APLF: variants seen among roughly 807,000 people sequenced by gnomAD.
APLF encodes the protein aprataxin and PNK-like factor.
In APLF, 61 loss-of-function variants were observed where a neutral mutation model predicts 55.6. That is an observed-to-expected ratio of 1.10 (90% CI 0.89 to 1.36). APLF has a LOEUF of 1.36. Ranked by LOEUF, APLF falls within the 40% of genes most tolerant of loss-of-function variation. The pLI, the probability that APLF is intolerant of heterozygous loss-of-function variation, is 0.00. For missense variants in APLF, 611 were observed against 602.5 expected (o/e 1.01, Z -0.15); for synonymous variants, 207 against 214.8 (o/e 0.96, Z 0.32).
intron 6 of APLF, among the ~76,000 whole-genome samples, chr2:68,532,927 A>G (rs905066210): frequency 1.3e-5 from 2 of 152,190 alleles, no homozygotes; most frequent in African/African-American, 2.4e-5. Context: ...TAATGCTGCT[A>G]TAAAAAGGGA....
intron 1 of APLF, among the ~76,000 whole-genome samples, chr2:68,471,102 G>C (rs1390944211): frequency 6.6e-6 from 1 of 152,136 alleles, no homozygotes; most frequent in African/African-American, 2.4e-5. Flanking sequence ...CCAGTGCCTA[G>C]CACACAGTAG....
rs2103987315 is a variant in APLF, at chr2:68,528,195, G to A, written c.804+1953G>A. On this transcript the variant is annotated intron_variant, in intron 6 of 9. Transcript: ENST00000303795. ...CTTGACCTCCTGATCCGCCCACCTG[G>A]GCCTCCCAAAGTGCTGGATTACAGG... The A allele has an allele frequency of 4.8e-6, 4 of 835,558 alleles. No homozygotes were observed. In the South Asian group the frequency reaches 6.2e-5, roughly 13 times the overall value. The allele number at this position is 835,558 out of a possible 1,614,324, so 51.8% of individuals were successfully genotyped here. A position where few individuals can be genotyped will look rare whatever the true frequency, so the allele number is the denominator to read the frequency against.
At chr2:68,528,095 C>T (rs571699468) in intron 6 of APLF, 121 of 541,370 alleles carry the variant, frequency 2.2e-4, no homozygotes, top group African/African-American at 2.0e-3. Context: ...ACTTCCCAGA[C>T]GGTGGAGCAG....
At chr2:68,468,228 A>G (rs1408898628) in intron 1 of APLF, among the ~76,000 whole-genome samples, 18 of 152,234 alleles carry the variant, frequency 1.2e-4, no homozygotes, top group Non-Finnish European at 1.6e-4. Flanking sequence ...TGTAAAGCCT[A>G]AAATATTTAC....
intron 1 of APLF, among the ~76,000 whole-genome samples, chr2:68,485,395 G>A (rs566136005): frequency 6.6e-6 from 1 of 152,178 alleles, no homozygotes; most frequent in South Asian, 2.1e-4. Flanking sequence ...ATATTAAGTA[G>A]GTGATGTTTA....
At chr2:68,533,899 T>C (rs2103997747) in intron 6 of APLF, among the ~76,000 whole-genome samples, 1 of 152,276 alleles carries the variant, frequency 6.6e-6, no homozygotes, top group East Asian at 1.9e-4. Flanking sequence ...AGAAGGGCCC[T>C]TGAAATGTTT....
rs1349347792 is a variant in APLF at position 68,526,216 on chromosome 2, C to T, written c.778C>T (p.Gln260Ter). 6.2e-7 allele frequency: 1 copy of T among 1,606,524 alleles called. No homozygotes were observed. Among genetic ancestry groups the T allele is most frequent in the Admixed American group, 1.7e-5 (1 of 58,062 alleles). Residue 260 changes from glutamine (Q) to a stop codon, truncating the protein, a stop_gained, in exon 6 of 10, where the codon CAG becomes TAG. Coordinates refer to ENST00000303795, the MANE Select transcript of APLF (RefSeq NM_173545.3). LOFTEE classifies it high-confidence loss of function. Reference protein sequence around the residue: ...DTGEECKNTDQEESTISSKEM... With the variant: ...DTGEECKNTD Reference sequence around the variant, plus strand: ...AGGAGAAGAGTGCAAAAATACTGATCAGGAAGAGTCTACCATTTCATCCAA... The same window carrying T: ...AGGAGAAGAGTGCAAAAATACTGATTAGGAAGAGTCTACCATTTCATCCAA...
intron 5 of APLF, chr2:68,515,768 A>G: frequency 1.0e-6 from 1 of 973,080 alleles, no homozygotes. Context: ...ACCGTGGGAG[A>G]AGTACTTTAT....
chr2:68,517,783 AAT>A (rs1395072125), intron 5 of APLF, among the ~76,000 whole-genome samples: 1 of 145,160 alleles, frequency 6.9e-6, no homozygotes. Context: ...ATATATCACT[AAT>A]ATAATGTTAA....
intron 4 of APLF, 125 bp from the exon 5 acceptor site, chr2:68,513,423 A>C: frequency 7.8e-7 from 1 of 1,289,244 alleles, no homozygotes; most frequent in Non-Finnish European, 1.1e-6. Context: ...TTGTTCAAGA[A>C]ATTTTATGAA....
In APLF at chr2:68,580,106, A is replaced by T. The variant is rs1193537639; in HGVS notation, c.*2084A>T. On this transcript the variant is annotated 3_prime_UTR_variant, in exon 10 of 10. Coordinates refer to ENST00000303795, the MANE Select transcript of APLF (RefSeq NM_173545.3). ...CAGTTTTAATGCAACTTTCATAATC[A>T]TCCTGAAGACACTTTTGAGTATAAC... 11 of 942,448 alleles carry T rather than the reference A, an allele frequency of 1.2e-5. No individual in the cohort carries two copies. Among genetic ancestry groups the T allele is most frequent in the Non-Finnish European group, 1.3e-5 (10 of 790,764 alleles). The allele number at this position is 942,448 out of a possible 1,614,324, so 58.4% of individuals were successfully genotyped here.
chr2:68,475,836 T>C (rs898606384), intron 1 of APLF, among the ~76,000 whole-genome samples: 6 of 152,100 alleles, frequency 3.9e-5, no homozygotes, highest in African/African-American at 1.4e-4. Flanking sequence ...TTTTATGATT[T>C]GTAGATTTCT....
Position 68,578,167 on chromosome 2 carries a change from A to T in APLF, c.*145A>T. 7.1e-7 allele frequency: 1 copy of T among 1,416,238 alleles called. No homozygotes were observed. Among genetic ancestry groups the T allele is most frequent in the Non-Finnish European group, 9.2e-7 (1 of 1,088,066 alleles). The allele number at this position is 1,416,238 out of a possible 1,614,324, so 87.7% of individuals were successfully genotyped here. ...TTACTACTGACTCTTTACAAATGAG[A>T]CATTGAAACGTCAGCCTTCAGTATA... On this transcript the variant is annotated 3_prime_UTR_variant, in exon 10 of 10. Transcript: ENST00000303795.
At chr2:68,519,065 T>TATA (rs368287994) in intron 5 of APLF, among the ~76,000 whole-genome samples, 3 of 115,122 alleles carry the variant, frequency 2.6e-5, no homozygotes, top group African/African-American at 9.9e-5. Context: ...ATAATTAATA[T>TATA]ATAATAATAA....
In APLF at chr2:68,529,377, C is replaced by A; in HGVS notation, c.804+3135C>A. The A allele has an allele frequency of 7.7e-7, 1 of 1,293,128 alleles. No individual in the cohort carries two copies. Among genetic ancestry groups the A allele is most frequent in the Non-Finnish European group, 9.8e-7 (1 of 1,020,530 alleles). 80.1% of individuals were successfully genotyped at this position (1,293,128 alleles called of 1,614,324 possible). ...GGGTGAGCCCGGCCAGCTGGGAAGG[C>A]CTCACGGACAAGACGAGCAGGTTGC... On this transcript the variant is annotated intron_variant, in intron 6 of 9. Transcript: ENST00000303795. The surrounding 1 kb of genome is among the most constrained non-coding windows in gnomAD (Gnocchi z 4.4).
At chr2:68,471,465 A>G (rs1459598098) in intron 1 of APLF, among the ~76,000 whole-genome samples, 1 of 152,218 alleles carries the variant, frequency 6.6e-6, no homozygotes, top group Non-Finnish European at 1.5e-5. Flanking sequence ...GGGTTAAGAG[A>G]CAAATAAACA....
rs112399807 is a variant in APLF at position 68,481,675 on chromosome 2, A to G, written c.97-8515A>G. Among the ~76,000 whole-genome samples the G allele has an allele frequency of 2.0e-4, 31 of 152,240 alleles. 1 individual carries two copies. The highest frequency in any genetic ancestry group is 7.0e-4 in the African/African-American group (29 of 41,552). Reference sequence around the variant, plus strand: ...CTCAAGGCTTGGGAGGTTTTCAGCTATTATTTCATTAAATAGGTTTTCTAT... The same window carrying G: ...CTCAAGGCTTGGGAGGTTTTCAGCTGTTATTTCATTAAATAGGTTTTCTAT... On this transcript the variant is annotated intron_variant, in intron 1 of 9. Coordinates refer to ENST00000303795, the MANE Select transcript of APLF (RefSeq NM_173545.3).
intron 2 of APLF, among the ~76,000 whole-genome samples, chr2:68,492,007 A>G (rs1676379334): frequency 6.6e-6 from 1 of 152,228 alleles, no homozygotes; most frequent in Admixed American, 6.5e-5. Flanking sequence ...GAAAACCGTC[A>G]TATTTACTAA....
At chr2:68,518,041 CAGT>C (rs1457117613) in intron 5 of APLF, among the ~76,000 whole-genome samples, 2 of 133,098 alleles carry the variant, frequency 1.5e-5, no homozygotes, top group Non-Finnish European at 3.1e-5. Context: ...TAATATATAA[CAGT>C]AATATATCAT....
Sources: allele counts gnomAD v4.1 joint callset (sites outside exome capture counted in the v4.1 genomes callset), GRCh38; gene constraint gnomAD v4.1.1; non-coding constraint Gnocchi (gnomAD v3.1); transcripts MANE v1.5; gene names NCBI Gene and HGNC (gene_info 2026-07-23, HGNC 2026-07-21).